The following RASSF8 variants were observed in gnomAD, a reference collection of about 807,000 sequenced individuals.
RASSF8 encodes the protein Ras association domain family member 8, also known as ras association domain-containing protein 8.
A neutral mutation model predicts 48.5 loss-of-function variants in RASSF8; 22 were observed. The observed-to-expected ratio is 0.45, with a 90% CI of 0.32 to 0.65. The LOEUF (loss-of-function observed/expected upper bound fraction) is 0.65, where lower values mean the gene tolerates loss of function less well. RASSF8 is among the 30% of genes least tolerant of loss of function. The pLI is 0.03. For synonymous variants in RASSF8, 127 were observed against 171.5 expected, an observed-to-expected ratio of 0.74 and a Z score of 2.03; for missense variants, 418 against 489.2, an observed-to-expected ratio of 0.85 and a Z score of 1.37.
At chr12:26,032,765 G>T (rs549842773) in intron 2 of RASSF8, among the ~76,000 whole-genome samples, 3 of 152,136 alleles carry the variant, frequency 2.0e-5, no homozygotes, top group Non-Finnish European at 4.4e-5. Context: ...ATGGGAATAT[G>T]AGCTGAGAAA....
chr12:25,990,588 A>G (rs1941991652), intron 1 of RASSF8, among the ~76,000 whole-genome samples: 1 of 152,212 alleles, frequency 6.6e-6, no homozygotes, highest in Non-Finnish European at 1.5e-5. Context: ...TCTTATTAAC[A>G]TTTCATATGG....
intron 1 of RASSF8, among the ~76,000 whole-genome samples, chr12:25,969,965 G>A (rs1382119557): frequency 2.6e-5 from 4 of 152,022 alleles, no homozygotes; most frequent in Admixed American, 6.6e-5. Context: ...GTCTCTGCTC[G>A]CTCACCTGCC....
intron 1 of RASSF8, among the ~76,000 whole-genome samples, chr12:25,976,685 C>G (rs1163320936): frequency 6.6e-6 from 1 of 152,166 alleles, no homozygotes; most frequent in South Asian, 2.1e-4. Context: ...TTCAGTAAAT[C>G]CCTGCCTTCG....
At chr12:26,010,927 A>T (rs574069921) in intron 2 of RASSF8, among the ~76,000 whole-genome samples, 62 of 152,302 alleles carry the variant, frequency 4.1e-4, no homozygotes, top group African/African-American at 1.4e-3. Context: ...TCTCCACCTA[A>T]GTACCCTTGT....
chr12:26,074,619 A>G (rs552301895), downstream of RASSF8, among the ~76,000 whole-genome samples: 1 of 152,126 alleles, frequency 6.6e-6, no homozygotes. Context: ...CTGGGATTAC[A>G]GCAGTGAGCC....
intron 2 of RASSF8, among the ~76,000 whole-genome samples, chr12:26,038,644 C>G (rs1943201911): frequency 7.3e-6 from 1 of 137,722 alleles, no homozygotes; most frequent in African/African-American, 2.8e-5. Flanking sequence ...CACACACACA[C>G]ACACACACAC....
chr12:26,025,858 C>G (rs1334434141), intron 2 of RASSF8, among the ~76,000 whole-genome samples: 2 of 151,540 alleles, frequency 1.3e-5, no homozygotes, highest in East Asian at 3.9e-4. Flanking sequence ...ACACTGAAAA[C>G]TATAATACAT....
intron 1 of RASSF8, among the ~76,000 whole-genome samples, chr12:25,984,180 C>T (rs1223834549): frequency 6.6e-6 from 1 of 151,740 alleles, no homozygotes; most frequent in Non-Finnish European, 1.5e-5. Context: ...CCTGCCTCAG[C>T]CTCCTCAGTA....
chr12:26,035,469 T>TATGAA (rs1252227237), intron 2 of RASSF8, among the ~76,000 whole-genome samples: 1 of 109,674 alleles, frequency 9.1e-6, no homozygotes, highest in Non-Finnish European at 2.0e-5. Flanking sequence ...TATATAATTA[T>TATGAA]ATTATATAAT....
rs1944024418 is a variant in RASSF8 at position 26,072,716 on chromosome 12, T to C, written c.*3898T>C. 4.1e-6 allele frequency: 4 copies of C among 978,774 alleles called. No homozygotes were observed. The highest frequency in any genetic ancestry group is 1.7e-5 in the African/African-American group (1 of 57,192). The allele number at this position is 978,774 out of a possible 1,614,324, so 60.6% of individuals were successfully genotyped here. A position where few individuals can be genotyped will look rare whatever the true frequency, so the allele number is the denominator to read the frequency against. On this transcript the variant is annotated 3_prime_UTR_variant, in exon 6 of 6. Transcript: ENST00000689635. The stretch of plus-strand genomic sequence containing the variant: ...TATGCTTTTAGTACTGCTTTGCTTA[T>C]GTACAAATAAATCTGTAATATGTAT...
At chr12:26,060,707 G>A (rs1465632291) in intron 3 of RASSF8, among the ~76,000 whole-genome samples, 4 of 152,184 alleles carry the variant, frequency 2.6e-5, no homozygotes, top group Non-Finnish European at 5.9e-5. Flanking sequence ...GTCCTGGACT[G>A]TGTAATGTAT....
chr12:26,060,713 T>C (rs1943724017), intron 3 of RASSF8, among the ~76,000 whole-genome samples: 1 of 152,204 alleles, frequency 6.6e-6, no homozygotes, highest in African/African-American at 2.4e-5. Flanking sequence ...GACTGTGTAA[T>C]GTATTTTACA....
At chr12:26,003,959 T>C (rs1592254921) in intron 2 of RASSF8, among the ~76,000 whole-genome samples, 1 of 152,156 alleles carries the variant, frequency 6.6e-6, no homozygotes, top group Non-Finnish European at 1.5e-5. Context: ...GGAGGATCAC[T>C]TGAACCCAGG....
At chr12:25,973,473 T>C (rs1181347640) in intron 1 of RASSF8, among the ~76,000 whole-genome samples, 1 of 152,194 alleles carries the variant, frequency 6.6e-6, no homozygotes, top group Non-Finnish European at 1.5e-5. Flanking sequence ...CAGCTGGATG[T>C]GATGGTATCT....
chr12:25,998,022 A>T (rs2643935), intron 2 of RASSF8, among the ~76,000 whole-genome samples: 3,392 of 152,334 alleles, frequency 0.022, 127 homozygotes, highest in African/African-American at 0.078. Context: ...ACTTAATGAA[A>T]TATGAAAGAA....
intron 2 of RASSF8, among the ~76,000 whole-genome samples, chr12:26,013,296 G>T (rs1407728483): frequency 1.3e-5 from 2 of 152,188 alleles, no homozygotes; most frequent in Non-Finnish European, 1.5e-5. Flanking sequence ...TAGCCACCTG[G>T]TGGGACAGTA....
intron 3 of RASSF8, among the ~76,000 whole-genome samples, chr12:26,061,641 C>T: frequency 6.6e-6 from 1 of 151,990 alleles, no homozygotes; most frequent in East Asian, 1.9e-4. Flanking sequence ...TGAATGTATC[C>T]ATGTGGTCAA....
intron 2 of RASSF8, among the ~76,000 whole-genome samples, chr12:26,018,710 A>G (rs569942739): frequency 4.6e-5 from 7 of 152,338 alleles, no homozygotes; most frequent in South Asian, 2.1e-4. Context: ...CAAACCAGGG[A>G]TAATTACCTG....
intron 2 of RASSF8, among the ~76,000 whole-genome samples, chr12:26,001,848 A>G (rs920817645): frequency 5.3e-5 from 8 of 152,312 alleles, no homozygotes; most frequent in African/African-American, 1.9e-4. Context: ...AAATACACAA[A>G]CTGGTGACAT....
Sources: allele counts gnomAD v4.1 joint callset (sites outside exome capture counted in the v4.1 genomes callset), GRCh38; gene constraint gnomAD v4.1.1; transcripts MANE v1.5; gene names NCBI Gene and HGNC (gene_info 2026-07-23, HGNC 2026-07-21).